DYNC2H1: variants seen among roughly 807,000 people sequenced by gnomAD.
DYNC2H1 encodes the protein dynein cytoplasmic 2 heavy chain 1, also known as cytoplasmic dynein 2 heavy chain 1.
Under a neutral mutation model 570.0 loss-of-function variants are expected in DYNC2H1, and 410 were observed. That is an observed-to-expected ratio of 0.72 (90% CI 0.66 to 0.78). The LOEUF is 0.78. Ranked by LOEUF, DYNC2H1 falls within the 30% of genes least tolerant of loss-of-function variation. The pLI is 0.00. For missense variants in DYNC2H1, 4,865 were observed against 5,046.4 expected (o/e 0.96, Z 1.09); for synonymous variants, 1,688 against 1,677.6 (o/e 1.01, Z -0.15).
chr11:103,116,877 G>A lies in DYNC2H1; in HGVS notation c.766+163G>A, dbSNP rs147789318. 2.8e-4 allele frequency among the ~76,000 whole-genome samples: 42 copies of A among 151,370 alleles called. No individual in the cohort carries two copies. In the East Asian group the frequency reaches 8.1e-3, roughly 29 times the overall value. ...AATAGATATTTGTATATAGTTGGGT[G>A]GTATAAATCATATGTGTCAAATTCT... On this transcript the variant is annotated intron_variant, in intron 5 of 88. Coordinates refer to ENST00000375735, the MANE Select transcript of DYNC2H1 (RefSeq NM_001377.3).
At chr11:103,291,263 C>T (rs1447184949) in intron 75 of DYNC2H1, among the ~76,000 whole-genome samples, 2 of 151,952 alleles carry the variant, frequency 1.3e-5, no homozygotes, top group Admixed American at 6.6e-5. Flanking sequence ...CATGGTGAAA[C>T]CCTGTCACTA....
chr11:103,148,155 T>C (rs1449296038), intron 19 of DYNC2H1, among the ~76,000 whole-genome samples: 2 of 152,152 alleles, frequency 1.3e-5, no homozygotes, highest in African/African-American at 2.4e-5. Context: ...TCTCCTCAAA[T>C]GACAAAGTAT....
chr11:103,258,255 T>C (rs994901055), intron 69 of DYNC2H1, among the ~76,000 whole-genome samples: 1 of 152,192 alleles, frequency 6.6e-6, no homozygotes, highest in Admixed American at 6.5e-5. Context: ...TTAAAAAGTG[T>C]ATTAGTGTAT....
chr11:103,402,516 A>T (rs986728873), intron 84 of DYNC2H1: 1 of 152,090 alleles, frequency 6.6e-6, no homozygotes, highest in Admixed American at 6.6e-5. Context: ...TTATTAGAAG[A>T]GCTGAGAGAG....
chr11:103,445,481 G>A (rs977598867), intron 85 of DYNC2H1, among the ~76,000 whole-genome samples: 2 of 152,168 alleles, frequency 1.3e-5, no homozygotes, highest in African/African-American at 4.8e-5. Flanking sequence ...AGAGGTTATT[G>A]CAGTAATCCA....
At chr11:103,407,857 G>A (rs1591702045) in intron 84 of DYNC2H1, 1 of 151,914 alleles carries the variant, frequency 6.6e-6, no homozygotes, top group East Asian at 1.9e-4. Flanking sequence ...CATGATGGTA[G>A]GAGTAGTCAG....
chr11:103,241,616 G>C lies in DYNC2H1; in HGVS notation c.9820-2077G>C. On this transcript the variant is annotated intron_variant, in intron 63 of 88. Transcript: ENST00000375735. The surrounding 1 kb of genome is among the most constrained non-coding windows in gnomAD (Gnocchi z 5.1). The stretch of plus-strand genomic sequence containing the variant: ...GGCAAAATGCAGAATTGTGAAATGT[G>C]TGCTATTGAATGCTAGCATAAAATT... The C allele has an allele frequency of 7.5e-7, 1 of 1,325,328 alleles. No individual in the cohort carries two copies. Among genetic ancestry groups the C allele is most frequent in the African/African-American group, 1.5e-5 (1 of 67,858 alleles). 82.1% of individuals were successfully genotyped at this position (1,325,328 alleles called of 1,614,324 possible).
chr11:103,183,714 A>C (rs557532120), intron 40 of DYNC2H1, among the ~76,000 whole-genome samples: 1 of 151,814 alleles, frequency 6.6e-6, no homozygotes, highest in Non-Finnish European at 1.5e-5. Flanking sequence ...AAATATGTAC[A>C]TTTCCTTTAT....
chr11:103,229,071 G>C (rs1863904379), intron 59 of DYNC2H1, among the ~76,000 whole-genome samples: 1 of 152,152 alleles, frequency 6.6e-6, no homozygotes, highest in African/African-American at 2.4e-5. Context: ...AGTCCTAAAG[G>C]CTGGTCTCAC....
At chr11:103,342,704 C>T (rs1171939771) in intron 82 of DYNC2H1, among the ~76,000 whole-genome samples, 1 of 151,966 alleles carries the variant, frequency 6.6e-6, no homozygotes, top group East Asian at 1.9e-4. Flanking sequence ...TGGGGTTTCA[C>T]CATGTTAGCC....
intron 12 of DYNC2H1, among the ~76,000 whole-genome samples, chr11:103,128,257 G>A (rs1335871843): frequency 1.3e-5 from 2 of 152,158 alleles, no homozygotes; most frequent in Admixed American, 6.5e-5. Flanking sequence ...GTAGGCAAGA[G>A]GTGTGATATA....
At chr11:103,274,920 C>T (rs897824393) in intron 70 of DYNC2H1, among the ~76,000 whole-genome samples, 6 of 151,682 alleles carry the variant, frequency 4.0e-5, no homozygotes, top group Admixed American at 3.9e-4. Context: ...CATGGCGAAA[C>T]CCCGTCTCTA....
intron 57 of DYNC2H1, among the ~76,000 whole-genome samples, chr11:103,221,275 T>C (rs1486746023): frequency 6.6e-6 from 1 of 152,184 alleles, no homozygotes; most frequent in African/African-American, 2.4e-5. Context: ...TTTCATGTTA[T>C]AATAGTTGTG....
intron 31 of DYNC2H1, among the ~76,000 whole-genome samples, chr11:103,167,154 T>C (rs1861355207): frequency 6.6e-6 from 1 of 152,038 alleles, no homozygotes; most frequent in Non-Finnish European, 1.5e-5. Flanking sequence ...TTCTATTTAT[T>C]TATATTTTTT....
At chr11:103,338,469 A>T (rs1258162651) in intron 82 of DYNC2H1, among the ~76,000 whole-genome samples, 1 of 152,060 alleles carries the variant, frequency 6.6e-6, no homozygotes, top group Non-Finnish European at 1.5e-5. Flanking sequence ...TCATTTTTAC[A>T]ATAATTAATT....
chr11:103,267,883 T>C (rs1479402844), intron 70 of DYNC2H1, among the ~76,000 whole-genome samples: 1 of 152,014 alleles, frequency 6.6e-6, no homozygotes, highest in Non-Finnish European at 1.5e-5. Context: ...CTTTTTGTAG[T>C]AAGGCCTGAA....
intron 84 of DYNC2H1, among the ~76,000 whole-genome samples, chr11:103,423,267 G>GT (rs1374454632): frequency 6.6e-6 from 1 of 151,472 alleles, no homozygotes; most frequent in South Asian, 2.1e-4. Context: ...GGAGATCAGT[G>GT]GAATGGAATA....
intron 78 of DYNC2H1, among the ~76,000 whole-genome samples, chr11:103,309,736 G>A (rs1450023371): frequency 6.6e-6 from 1 of 152,036 alleles, no homozygotes; most frequent in Non-Finnish European, 1.5e-5. Flanking sequence ...TGAGCCATGA[G>A]GGCAGGGGGT....
intron 84 of DYNC2H1, among the ~76,000 whole-genome samples, chr11:103,408,741 G>A (rs1027123504): frequency 2.0e-5 from 3 of 151,962 alleles, no homozygotes; most frequent in Non-Finnish European, 2.9e-5. Context: ...ACTGTTATCC[G>A]TAGGGTAACT....
Sources: gnomAD v4.1 joint callset for allele counts (sites outside exome capture counted in the v4.1 genomes callset) on GRCh38, gnomAD v4.1.1 for gene constraint, Gnocchi (gnomAD v3.1) non-coding constraint, MANE v1.5 for transcripts, NCBI Gene and HGNC (gene_info 2026-07-23, HGNC 2026-07-21) for gene names.